The following GDF7 variants were observed in gnomAD, a reference collection of about 807,000 sequenced individuals.
The protein encoded by GDF7 is growth differentiation factor 7, also known as growth/differentiation factor 7.
A neutral mutation model predicts 13.4 loss-of-function variants in GDF7; 12 were observed. The observed-to-expected ratio is 0.90, with a 90% confidence interval of 0.57 to 1.45. GDF7 has a LOEUF of 1.45. GDF7 is among the 40% of genes most tolerant of loss of function. The pLI is 0.00. For missense variants in GDF7, 651 were observed against 652.4 expected, an observed-to-expected ratio of 1.00 and a Z score of 0.02; for synonymous variants, 330 against 306.4, an observed-to-expected ratio of 1.08 and a Z score of -0.80.
Position 20,671,466 on chromosome 2 carries a change from C to A in GDF7, c.*41C>A, listed in dbSNP as rs1662126577. ...GGGGGCAGCCACGCGGCCGAGGATC[C>A]CCAGCTGATGAGCAGCAGCGGGCCA... On this transcript the variant is annotated 3_prime_UTR_variant, in exon 2 of 2. Transcript: ENST00000272224. 1 of 1,585,958 alleles carries A rather than the reference C, an allele frequency of 6.3e-7. No homozygotes were observed. The highest frequency in any genetic ancestry group is 8.6e-7 in the Non-Finnish European group (1 of 1,165,768).
rs1240618648 is a variant in GDF7, at chr2:20,678,380, A to G, written c.*6955A>G. The stretch of plus-strand genomic sequence containing the variant: ...TTTTAGCTGGAAGCATTTCACCCTA[A>G]ATGAAAAGTTAATGCATTTTTTACA... On this transcript the variant is annotated 3_prime_UTR_variant, in exon 2 of 2. Transcript: ENST00000272224. 3 of 152,226 alleles carry G rather than the reference A, an allele frequency of 2.0e-5. No individual in the cohort carries two copies. Among genetic ancestry groups the G allele is most frequent in the East Asian group, 3.8e-4 (2 of 5,198 alleles). The allele number at this position is 152,226 out of a possible 1,614,324, so 9.4% of individuals were successfully genotyped here.
In GDF7 at chr2:20,671,289, C is replaced by T; in HGVS notation, c.1217C>T (p.Ala406Val). The T allele has an allele frequency of 6.2e-7, 1 of 1,613,882 alleles. No homozygotes were observed. Among genetic ancestry groups the T allele is most frequent in the Non-Finnish European group, 8.5e-7 (1 of 1,179,966 alleles). Residue 406 changes from alanine to valine, a missense_variant, in exon 2 of 2, where the codon GCA (alanine) becomes GTA (valine). Physicochemically the swap from Ala to Val is moderately conservative, Grantham distance 64. Transcript: ENST00000272224. Reference protein sequence around the residue: ...AIIQTLLNSMAPDAAPASCCV... With the variant: ...AIIQTLLNSMVPDAAPASCCV... ...ATTCAGACGCTGCTCAACTCCATGG[C>T]ACCAGACGCGGCGCCGGCCTCCTGC...
In GDF7 at chr2:20,675,514, G is replaced by A. The variant is rs10170019; in HGVS notation, c.*4089G>A. ...CGGACTGCGCCCGCCAGGGGAGGCC[G>A]CTCAGGGGCCAGGGCACCACAAGGC... is the stretch of plus-strand genomic sequence containing the variant. On this transcript the variant is annotated 3_prime_UTR_variant, in exon 2 of 2. Transcript: ENST00000272224. 0.46 allele frequency: 70,077 copies of A among 152,108 alleles called. 16,988 individuals carry two copies. The highest frequency in any genetic ancestry group is 0.74 in the East Asian group (3,780 of 5,142). 9.4% of individuals were successfully genotyped at this position (152,108 alleles called of 1,614,324 possible).
intron 1 of GDF7, among the ~76,000 whole-genome samples, chr2:20,669,713 C>T (rs929786448): frequency 6.6e-6 from 1 of 152,238 alleles, no homozygotes; most frequent in Non-Finnish European, 1.5e-5. Flanking sequence ...GGGTTGCGAT[C>T]GCGAGCAGCA....
At chr2:20,670,392 G>A (rs1558361850) in intron 1 of GDF7, 72 bp from the exon 2 acceptor site, 7 of 1,412,044 alleles carry the variant, frequency 5.0e-6, no homozygotes, top group Non-Finnish European at 5.6e-6. Context: ...CTGTTAGGAG[G>A]CCCCGCGCTG....
rs538380758 is a variant in GDF7, at chr2:20,675,278, T to C, written c.*3853T>C. 1 of 152,288 alleles carries C rather than the reference T, an allele frequency of 6.6e-6. No homozygotes were observed. The highest frequency in any genetic ancestry group is 2.4e-5 in the African/African-American group (1 of 41,532). The allele number at this position is 152,288 out of a possible 1,614,324, so 9.4% of individuals were successfully genotyped here. A position where few individuals can be genotyped will look rare whatever the true frequency, so the allele number is the denominator to read the frequency against. On this transcript the variant is annotated 3_prime_UTR_variant, in exon 2 of 2. Coordinates refer to ENST00000272224, the MANE Select transcript of GDF7 (RefSeq NM_182828.4). Reference sequence around the variant, plus strand: ...GGGAGCGAGGCTCTGAAAGCAGCAGTCTAGCAGAGGGAGTTTGGGCCTGCG... The same window carrying C: ...GGGAGCGAGGCTCTGAAAGCAGCAGCCTAGCAGAGGGAGTTTGGGCCTGCG...
In GDF7 at chr2:20,667,670, C is replaced by G. The variant is rs868341707; in HGVS notation, c.391+40C>G. Reference sequence around the variant, plus strand: ...TCTGTGCCCGCCCATCCCGTCAGGTCCTGGGCTGAGACCAGCCCCGGAGCC... The same window carrying G: ...TCTGTGCCCGCCCATCCCGTCAGGTGCTGGGCTGAGACCAGCCCCGGAGCC... On this transcript the variant is annotated intron_variant, in intron 1 of 1. Transcript: ENST00000272224. This position sits in a 1 kb window ranked among gnomAD's most constrained non-coding sequence, Gnocchi z 6.4. The G allele has an allele frequency of 7.5e-7, 1 of 1,341,548 alleles. No homozygotes were observed. Among genetic ancestry groups the G allele is most frequent in the Middle Eastern group, 2.6e-4 (1 of 3,908 alleles). The allele number at this position is 1,341,548 out of a possible 1,614,324, so 83.1% of individuals were successfully genotyped here.
rs1411398035 is a variant in GDF7 at position 20,673,149 on chromosome 2, T to C, written c.*1724T>C. 1 of 152,092 alleles carries C rather than the reference T, an allele frequency of 6.6e-6. No homozygotes were observed. Among genetic ancestry groups the C allele is most frequent in the African/African-American group, 2.4e-5 (1 of 41,410 alleles). The allele number at this position is 152,092 out of a possible 1,614,324, so 9.4% of individuals were successfully genotyped here. A position where few individuals can be genotyped will look rare whatever the true frequency, so the allele number is the denominator to read the frequency against. ...GACTTACGATTTAGATACAGCTAAT[T>C]TACTTAGGGGCCCTACCTGAATCGG... On this transcript the variant is annotated 3_prime_UTR_variant, in exon 2 of 2. Coordinates refer to ENST00000272224, the MANE Select transcript of GDF7 (RefSeq NM_182828.4).
rs1662117813 is a variant in GDF7 at position 20,671,147 on chromosome 2, A to C, written c.1075A>C (p.Lys359Gln). Reference sequence around the variant, plus strand: ...CCGCAAGCCGTTGCACGTGGACTTCAAGGAGCTCGGCTGGGACGACTGGAT... The same window carrying C: ...CCGCAAGCCGTTGCACGTGGACTTCCAGGAGCTCGGCTGGGACGACTGGAT... ...CSRKPLHVDF[K>Q]ELGWDDWIIA... Residue 359 changes from lysine to glutamine, a missense_variant, in exon 2 of 2, where the codon AAG becomes CAG. This residue lies in a region of GDF7 where 101 missense variants were observed against 139.2 expected (regional missense o/e 0.73). Transcript: ENST00000272224. The C allele has an allele frequency of 6.2e-7, 1 of 1,612,164 alleles. No homozygotes were observed. The highest frequency in any genetic ancestry group is 8.5e-7 in the Non-Finnish European group (1 of 1,179,560).
At position 20,667,460 on chromosome 2, in the gene GDF7, G is replaced by T; in HGVS notation, c.221G>T (p.Arg74Leu). Residue 74 changes from arginine to leucine, a missense_variant, in exon 1 of 2, where the codon CGC (arginine) becomes CTC (leucine). Transcript: ENST00000272224. The surrounding 1 kb of genome is among the most constrained non-coding windows in gnomAD (Gnocchi z 6.4). ...GCGGTTCCCCGGGCCCGCGCCGCGC[G>T]CCGCGCCGCGGGCTCCGGCTTCAGG... The part of the protein sequence containing the change: ...AAAVPRARAA[R>L]RAAGSGFRNG... The T allele has an allele frequency of 1.7e-6, 2 of 1,175,916 alleles. No homozygotes were observed. The highest frequency in any genetic ancestry group is 6.5e-5 in the South Asian group (2 of 30,674). The allele number at this position is 1,175,916 out of a possible 1,614,324, so 72.8% of individuals were successfully genotyped here. A position where few individuals can be genotyped will look rare whatever the true frequency, so the allele number is the denominator to read the frequency against.
rs765060390 is a variant in GDF7 at position 20,670,659 on chromosome 2, A to C, written c.587A>C (p.Tyr196Ser). ...PGAARAPRLL[Y>S]SRAAEPLVGQ... is the part of the protein sequence containing the mutation. ...GCCGCCCGAGCGCCACGCCTGCTGT[A>C]CTCGCGGGCAGCTGAGCCCCTAGTC... The change falls in exon 2 of 2, where the codon TAC (tyrosine) becomes TCC (serine). Residue 196 changes from tyrosine (Y) to serine (S), a missense_variant. Physicochemically the swap from Tyr to Ser is moderately radical, Grantham distance 144. Coordinates refer to ENST00000272224, the MANE Select transcript of GDF7 (RefSeq NM_182828.4). The C allele has an allele frequency of 3.7e-5, 57 of 1,534,490 alleles. No homozygotes were observed. The highest frequency in any genetic ancestry group is 4.6e-5 in the Non-Finnish European group (53 of 1,144,882).
rs1049489622 is a variant in GDF7 at position 20,679,181 on chromosome 2, A to G, written c.*7756A>G. ...ATATATTTGTTGAACATGCTTGTAT[A>G]CTCTTCATTAACCATTTTAATATTT... On this transcript the variant is annotated 3_prime_UTR_variant, in exon 2 of 2. Coordinates refer to ENST00000272224, the MANE Select transcript of GDF7 (RefSeq NM_182828.4). The G allele has an allele frequency of 6.6e-6, 1 of 152,284 alleles. No individual in the cohort carries two copies. Among genetic ancestry groups the G allele is most frequent in the Admixed American group, 6.5e-5 (1 of 15,304 alleles). 9.4% of individuals were successfully genotyped at this position (152,284 alleles called of 1,614,324 possible).
chr2:20,669,902 G>A (rs1662082542), intron 1 of GDF7, among the ~76,000 whole-genome samples: 1 of 152,260 alleles, frequency 6.6e-6, no homozygotes, highest in Admixed American at 6.5e-5. Context: ...GGGATGTCCA[G>A]GCTGGGTTGG....
intron 1 of GDF7, 52 bp from the exon 2 acceptor site, chr2:20,670,412 A>G: frequency 6.8e-7 from 1 of 1,461,212 alleles, no homozygotes. Context: ...GACAGTGTGC[A>G]GGATTTGCTC....
chr2:20,667,290 CCG>C lies in GDF7; in HGVS notation c.53_54del (p.Arg18ProfsTer131). 1 of 1,210,542 alleles carries C rather than the reference CCG, an allele frequency of 8.3e-7. No individual in the cohort carries two copies. Among genetic ancestry groups the C allele is most frequent in the Non-Finnish European group, 1.0e-6 (1 of 965,518 alleles). The allele number at this position is 1,210,542 out of a possible 1,614,324, so 75.0% of individuals were successfully genotyped here. A position where few individuals can be genotyped will look rare whatever the true frequency, so the allele number is the denominator to read the frequency against. ...TGTGCCTTTGGCTGCTGAGCGCCTG[CCG>C]CCCCCGCGACGGGCTGGAAGCGGCC... ...ALCLWLLSAC[R>X]PRDGLEAAAV... On this transcript the variant is annotated frameshift_variant, in exon 1 of 2. Coordinates refer to ENST00000272224, the MANE Select transcript of GDF7 (RefSeq NM_182828.4). LOFTEE classifies it high-confidence loss of function. The surrounding 1 kb of genome is among the most constrained non-coding windows in gnomAD (Gnocchi z 6.4).
intron 1 of GDF7, 23 bp from the exon 2 acceptor site, chr2:20,670,441 C>T: frequency 4.0e-6 from 6 of 1,501,014 alleles, no homozygotes; most frequent in Non-Finnish European, 5.3e-6. Context: ...CTCTTTCTCT[C>T]TGTCCCTGCC....
chr2:20,667,554 C>A lies in GDF7; in HGVS notation c.315C>A (p.Ala105=). The change falls in exon 1 of 2, where the codon GCC becomes GCA. Residue 105 remains alanine, a synonymous_variant. Coordinates refer to ENST00000272224, the MANE Select transcript of GDF7 (RefSeq NM_182828.4). This position sits in a 1 kb window ranked among gnomAD's most constrained non-coding sequence, Gnocchi z 6.4. ...GGAGCCTGGCCGGGAGGGCTCCGGC[C>A]GGGGCAGCCGCTGTCTCCGCCTCGG... ...LYRSLAGRAP[A]GAAAVSASGH... 1 of 1,482,234 alleles carries A rather than the reference C, an allele frequency of 6.7e-7. No homozygotes were observed. Among genetic ancestry groups the A allele is most frequent in the Non-Finnish European group, 8.9e-7 (1 of 1,122,926 alleles). 91.8% of individuals were successfully genotyped at this position (1,482,234 alleles called of 1,614,324 possible).
Position 20,675,560 on chromosome 2 carries a change from G to A in GDF7, c.*4135G>A, listed in dbSNP as rs10170028. The stretch of plus-strand genomic sequence containing the variant: ...AAGGCGTCTCCTGAGAGACGTCTGA[G>A]GCAAGTTATGGGCAGTCACCTCCCT... On this transcript the variant is annotated 3_prime_UTR_variant, in exon 2 of 2. Transcript: ENST00000272224. 70,166 of 152,102 alleles carry A rather than the reference G, an allele frequency of 0.46. 17,029 individuals carry two copies. The highest frequency in any genetic ancestry group is 0.74 in the East Asian group (3,781 of 5,144). The allele number at this position is 152,102 out of a possible 1,614,324, so 9.4% of individuals were successfully genotyped here. A position where few individuals can be genotyped will look rare whatever the true frequency, so the allele number is the denominator to read the frequency against.
rs140907072 is a variant in GDF7 at position 20,671,410 on chromosome 2, C to T, written c.1338C>T (p.Ala446=). Residue 446 remains alanine (A), a synonymous_variant, in exon 2 of 2, where the codon GCC becomes GCT. Coordinates refer to ENST00000272224, the MANE Select transcript of GDF7 (RefSeq NM_182828.4). ...YKQYEDMVVE[A]CGCR ...AATACGAGGACATGGTGGTGGAGGC[C>T]TGCGGCTGCAGGTAGCGCGAGGGCC... 4.3e-5 allele frequency: 69 copies of T among 1,606,048 alleles called. No individual in the cohort carries two copies. The highest frequency in any genetic ancestry group is 5.6e-5 in the Non-Finnish European group (66 of 1,176,366).
Sources: gnomAD v4.1 joint callset for allele counts (sites outside exome capture counted in the v4.1 genomes callset) on GRCh38, gnomAD v4.1.1 for gene constraint, gnomAD v4.1.1 regional missense constraint, Gnocchi (gnomAD v3.1) non-coding constraint, MANE v1.5 for transcripts, NCBI Gene and HGNC (gene_info 2026-07-23, HGNC 2026-07-21) for gene names.